Variants in GPC5 observed in about 807,000 individuals in gnomAD.
GPC5 encodes glypican 5.
GPC5 carries 47 observed loss-of-function variants against 53.9 expected under a neutral mutation model. The observed-to-expected ratio is 0.87, with a 90% CI of 0.69 to 1.11. The LOEUF (loss-of-function observed/expected upper bound fraction) is 1.11, where lower values mean the gene tolerates loss of function less well. Ranked by LOEUF, GPC5 falls within the 50% of genes most tolerant of loss-of-function variation. The pLI, the probability that GPC5 is intolerant of heterozygous loss-of-function variation, is 0.00. For synonymous variants in GPC5, 286 were observed against 263.3 expected (o/e 1.09, Z -0.84); for missense variants, 748 against 713.1 (o/e 1.05, Z -0.56).
chr13:91,535,019 G>T (rs917201799), intron 2 of GPC5, among the ~76,000 whole-genome samples: 1 of 152,040 alleles, frequency 6.6e-6, no homozygotes, highest in African/African-American at 2.4e-5. Context: ...CCATTAAATG[G>T]CCTGTGAAGA....
chr13:92,825,412 T>C (rs1877812541), intron 7 of GPC5, among the ~76,000 whole-genome samples: 1 of 152,100 alleles, frequency 6.6e-6, no homozygotes, highest in African/African-American at 2.4e-5. Flanking sequence ...GGTATATAAT[T>C]TTGAAAGCAT....
chr13:92,496,392 C>G (rs556420307), intron 7 of GPC5, among the ~76,000 whole-genome samples: 1 of 152,102 alleles, frequency 6.6e-6, no homozygotes, highest in East Asian at 1.9e-4. Flanking sequence ...AAAGATAAAA[C>G]AAATTGAAAA....
intron 7 of GPC5, among the ~76,000 whole-genome samples, chr13:92,694,118 G>A (rs1416497218): frequency 2.6e-5 from 4 of 152,186 alleles, no homozygotes; most frequent in African/African-American, 9.6e-5. Context: ...GTATGCAGAA[G>A]ACAAGGGAGC....
At chr13:91,658,502 A>C (rs1020239871) in intron 2 of GPC5, among the ~76,000 whole-genome samples, 1 of 152,190 alleles carries the variant, frequency 6.6e-6, no homozygotes, top group Non-Finnish European at 1.5e-5. Context: ...TAAAATTTTC[A>C]ATCCAATTAG....
chr13:92,075,556 T>C (rs2041245567), intron 6 of GPC5, among the ~76,000 whole-genome samples: 1 of 152,198 alleles, frequency 6.6e-6, no homozygotes, highest in East Asian at 1.9e-4. Flanking sequence ...TCAAGATAAA[T>C]TCTGAATAAA....
chr13:91,806,529 A>T (rs1455177293), intron 5 of GPC5, among the ~76,000 whole-genome samples: 1 of 151,958 alleles, frequency 6.6e-6, no homozygotes, highest in African/African-American at 2.4e-5. Context: ...TCACATTCTT[A>T]CAACACCTCT....
rs545218663 is a variant in GPC5, at chr13:91,821,692, G to A, written c.1280+65272G>A. Among the ~76,000 whole-genome samples, 16 of 152,158 alleles carry A rather than the reference G, an allele frequency of 1.1e-4. No homozygotes were observed. The South Asian group carries it at 1.7e-3, about 16-fold the overall frequency. On this transcript the variant is annotated intron_variant, in intron 5 of 7. Coordinates refer to ENST00000377067, the MANE Select transcript of GPC5 (RefSeq NM_004466.6). Reference sequence around the variant, plus strand: ...GGATTTTCTCAATCTATTGGAAGACGTAATGTGATTTCTTCTAATCTATTC... The same window carrying A: ...GGATTTTCTCAATCTATTGGAAGACATAATGTGATTTCTTCTAATCTATTC...
chr13:91,749,831 A>G (rs2037131381), intron 4 of GPC5, among the ~76,000 whole-genome samples: 1 of 152,192 alleles, frequency 6.6e-6, no homozygotes, highest in African/African-American at 2.4e-5. Context: ...TTTTGGAGAC[A>G]GAGTCTCGCT....
chr13:92,283,474 T>C (rs749305211), intron 7 of GPC5, among the ~76,000 whole-genome samples: 1 of 152,156 alleles, frequency 6.6e-6, no homozygotes, highest in Non-Finnish European at 1.5e-5. Flanking sequence ...TATTCCAAAA[T>C]TGACCACATA....
intron 7 of GPC5, among the ~76,000 whole-genome samples, chr13:92,323,165 T>C (rs913622329): frequency 6.6e-6 from 1 of 151,456 alleles, no homozygotes; most frequent in Admixed American, 6.6e-5. Context: ...AGTTTCAATA[T>C]CAACTTCATT....
chr13:92,106,308 A>T (rs116474403), intron 6 of GPC5, among the ~76,000 whole-genome samples: 1,638 of 152,228 alleles, frequency 0.011, 44 homozygotes, highest in African/African-American at 0.037. Flanking sequence ...TTAAACAGGC[A>T]GTATATGCAC....
intron 5 of GPC5, among the ~76,000 whole-genome samples, chr13:91,816,198 C>A (rs1159005718): frequency 2.0e-5 from 3 of 152,136 alleles, no homozygotes; most frequent in Non-Finnish European, 2.9e-5. Context: ...AGCCCCTCAC[C>A]CTTCTGCTAC....
intron 6 of GPC5, among the ~76,000 whole-genome samples, chr13:91,929,595 A>G (rs190567276): frequency 6.6e-6 from 1 of 152,138 alleles, no homozygotes; most frequent in Admixed American, 6.6e-5. Context: ...ACTTCATTTG[A>G]AATTTTTCAC....
chr13:92,333,553 C>T (rs1291494333), intron 7 of GPC5, among the ~76,000 whole-genome samples: 6 of 152,050 alleles, frequency 3.9e-5, no homozygotes, highest in Non-Finnish European at 7.4e-5. Context: ...AGAAGCACTT[C>T]TGAAGTTCAC....
chr13:92,035,639 A>G (rs750506004), intron 6 of GPC5, among the ~76,000 whole-genome samples: 4 of 152,132 alleles, frequency 2.6e-5, no homozygotes, highest in Non-Finnish European at 5.9e-5. Context: ...CCATTTATAT[A>G]CAGACTGTCT....
intron 5 of GPC5, among the ~76,000 whole-genome samples, chr13:91,862,464 G>A (rs181739232): frequency 2.4e-4 from 37 of 152,230 alleles, no homozygotes; most frequent in Admixed American, 2.2e-3. Context: ...TTATTAAAGG[G>A]AAGGCATGTT....
intron 7 of GPC5, chr13:92,447,799 T>C (rs150190762): frequency 1.3e-5 from 2 of 152,244 alleles, no homozygotes; most frequent in East Asian, 1.9e-4. Flanking sequence ...AGTGAACATA[T>C]GTTTAAGAGT....
chr13:92,672,237 G>T (rs1292519331), intron 7 of GPC5, among the ~76,000 whole-genome samples: 1 of 152,096 alleles, frequency 6.6e-6, no homozygotes, highest in East Asian at 1.9e-4. Context: ...CCCCAGCTCA[G>T]AAAATTATGT....
intron 7 of GPC5, among the ~76,000 whole-genome samples, chr13:92,191,225 T>C (rs1192036226): frequency 6.6e-6 from 1 of 152,148 alleles, no homozygotes; most frequent in African/African-American, 2.4e-5. Flanking sequence ...AGGCAAAGGC[T>C]GATAGACATC....
Sources: allele counts gnomAD v4.1 joint callset (sites outside exome capture counted in the v4.1 genomes callset), GRCh38; gene constraint gnomAD v4.1.1; transcripts MANE v1.5; gene names NCBI Gene and HGNC (gene_info 2026-07-23, HGNC 2026-07-21).